RBFOX1: variants seen among roughly 807,000 people sequenced by gnomAD.
RBFOX1 encodes the protein RNA binding fox-1 homolog 1.
A neutral mutation model predicts 57.7 loss-of-function variants in RBFOX1; 8 were observed. The ratio of observed to expected loss-of-function variants is 0.14; its 90% confidence interval spans 0.08 to 0.25. The LOEUF (loss-of-function observed/expected upper bound fraction) is 0.25. RBFOX1 is among the 10% of genes least tolerant of loss of function. RBFOX1 has a pLI of 1.00. For synonymous variants in RBFOX1, 326 were observed against 222.4 expected (o/e 1.47, Z -4.15); for missense variants, 611 against 548.5 (o/e 1.11, Z -1.14).
intron 3 of RBFOX1, among the ~76,000 whole-genome samples, chr16:6,824,265 TGTG>T (rs1383333957): frequency 6.6e-6 from 1 of 152,092 alleles, no homozygotes; most frequent in Non-Finnish European, 1.5e-5. Flanking sequence ...ATTAGCCAGA[TGTG>T]GTGGTTGGTA....
At position 6,965,486 on chromosome 16, in the gene RBFOX1, G is replaced by A. The variant is rs144168897; in HGVS notation, c.-15-86571G>A. ...CCAGTAGCTGGGATTACAGGCGTGC[G>A]CCACCATGCCTGGCTAATTTTTGTA... On this transcript the variant is annotated intron_variant, in intron 3 of 15. Coordinates refer to ENST00000550418, the MANE Select transcript of RBFOX1 (RefSeq NM_018723.4). Among the ~76,000 whole-genome samples, 637 of 152,086 alleles carry A rather than the reference G, an allele frequency of 4.2e-3. 7 individuals are homozygous for A. The highest frequency in any genetic ancestry group is 0.01 in the Middle Eastern group (3 of 294).
chr16:6,731,369 A>G lies in RBFOX1; in HGVS notation c.-16+76719A>G, dbSNP rs1373238065. ...GATCGTTGATGTCTAGGGCACGACT[A>G]TACTTTAGAAACAGGGGATCAGTGA... On this transcript the variant is annotated intron_variant, in intron 3 of 15. Transcript: ENST00000550418. 9.9e-5 allele frequency among the ~76,000 whole-genome samples: 15 copies of G among 152,136 alleles called. No homozygotes were observed. In the South Asian group the frequency reaches 1.9e-3, roughly 19 times the overall value.
intron 1 of RBFOX1, among the ~76,000 whole-genome samples, chr16:5,432,068 G>A (rs1350877582): frequency 6.6e-6 from 1 of 152,070 alleles, no homozygotes; most frequent in Non-Finnish European, 1.5e-5. Context: ...CGCCCCTTTT[G>A]GGGACTGCAC....
At chr16:7,489,515 A>T (rs77116089) in intron 4 of RBFOX1, among the ~76,000 whole-genome samples, 6,661 of 150,344 alleles carry the variant, frequency 0.044, 407 homozygotes, top group African/African-American at 0.15. Flanking sequence ...TATTATTATT[A>T]TTTTTTTTTT....
chr16:6,795,350 C>T (rs2083762449), intron 3 of RBFOX1, among the ~76,000 whole-genome samples: 1 of 152,086 alleles, frequency 6.6e-6, no homozygotes, highest in Non-Finnish European at 1.5e-5. Flanking sequence ...TGTGCTATTG[C>T]ATTTCACCCG....
intron 4 of RBFOX1, among the ~76,000 whole-genome samples, chr16:7,255,895 G>A (rs539620088): frequency 6.0e-4 from 92 of 152,118 alleles, no homozygotes; most frequent in African/African-American, 2.0e-3. Context: ...ATGGCTTTCC[G>A]TTACCTTATT....
At chr16:5,599,380 C>A (rs1237040436) in exon 3 of RBFOX1, 1 of 593,624 alleles carries the variant, frequency 1.7e-6, no homozygotes, top group Non-Finnish European at 3.0e-6. Flanking sequence ...GCTCTGGGGT[C>A]CTGCATCATG....
intron 4 of RBFOX1, among the ~76,000 whole-genome samples, chr16:5,938,686 A>G (rs1184646891): frequency 6.6e-6 from 1 of 151,990 alleles, no homozygotes; most frequent in Non-Finnish European, 1.5e-5. Context: ...TGTCATTTGG[A>G]TCCTGAGGAA....
At chr16:7,626,403 A>G (rs925214740) in intron 10 of RBFOX1, among the ~76,000 whole-genome samples, 1 of 152,204 alleles carries the variant, frequency 6.6e-6, no homozygotes, top group African/African-American at 2.4e-5. Flanking sequence ...TCACTGGAGG[A>G]TTCAAAATCC....
intron 4 of RBFOX1, among the ~76,000 whole-genome samples, chr16:7,410,930 C>T (rs1023967683): frequency 1.3e-5 from 2 of 151,336 alleles, no homozygotes; most frequent in African/African-American, 4.9e-5. Context: ...ACCTAGTAAT[C>T]AACTTGAATT....
chr16:6,078,357 G>A (rs570287751), intron 1 of RBFOX1, among the ~76,000 whole-genome samples: 3 of 152,006 alleles, frequency 2.0e-5, no homozygotes, highest in Non-Finnish European at 4.4e-5. Flanking sequence ...TTTGAATGTT[G>A]TCCAACAATA....
intron 4 of RBFOX1, among the ~76,000 whole-genome samples, chr16:7,508,973 A>T (rs1391436429): frequency 6.6e-6 from 1 of 152,198 alleles, no homozygotes; most frequent in Non-Finnish European, 1.5e-5. Flanking sequence ...GCAAATAATA[A>T]CTGAAATTAT....
At chr16:5,817,180 G>C (rs968705586) in intron 3 of RBFOX1, among the ~76,000 whole-genome samples, 6 of 152,064 alleles carry the variant, frequency 3.9e-5, no homozygotes, top group African/African-American at 9.6e-5. Context: ...CTATCTCTCT[G>C]TGTGTGTGTG....
At chr16:7,602,282 C>T (rs2095065392) in intron 9 of RBFOX1, among the ~76,000 whole-genome samples, 2 of 152,172 alleles carry the variant, frequency 1.3e-5, no homozygotes, top group African/African-American at 4.8e-5. Flanking sequence ...GATGTGGCCC[C>T]TTGAGTCCTG....
chr16:5,349,824 C>G (rs370455965), intron 1 of RBFOX1, among the ~76,000 whole-genome samples: 97 of 152,378 alleles, frequency 6.4e-4, no homozygotes, highest in African/African-American at 2.2e-3. Context: ...GGCCCACGCC[C>G]TGCTCTGAGC....
intron 4 of RBFOX1, among the ~76,000 whole-genome samples, chr16:7,477,866 T>A (rs1431113311): frequency 6.6e-6 from 1 of 152,216 alleles, no homozygotes; most frequent in African/African-American, 2.4e-5. Context: ...ATCAGAGGGC[T>A]TTGCTAGGGC....
intron 1 of RBFOX1, among the ~76,000 whole-genome samples, chr16:5,272,251 AG>A (rs1222183549): frequency 1.3e-5 from 2 of 152,244 alleles, no homozygotes; most frequent in Non-Finnish European, 2.9e-5. Flanking sequence ...TCAGTAAATT[AG>A]GGGATGGACA....
chr16:7,611,699 T>A (rs573075814), intron 10 of RBFOX1, among the ~76,000 whole-genome samples: 2 of 152,290 alleles, frequency 1.3e-5, no homozygotes, highest in Admixed American at 1.3e-4. Context: ...TTGCACTTAA[T>A]GAGGACCTTT....
chr16:5,608,246 T>A (rs2047657117), intron 3 of RBFOX1, among the ~76,000 whole-genome samples: 1 of 152,138 alleles, frequency 6.6e-6, no homozygotes. Flanking sequence ...GAGGGGCACT[T>A]TGAGTCTCAG....
Sources: allele counts gnomAD v4.1 joint callset (sites outside exome capture counted in the v4.1 genomes callset), GRCh38; gene constraint gnomAD v4.1.1; transcripts MANE v1.5; gene names NCBI Gene and HGNC (gene_info 2026-07-23, HGNC 2026-07-21).